The following RBFOX1 variants were observed in gnomAD, a reference collection of about 807,000 sequenced individuals.
RBFOX1 encodes the protein RNA binding fox-1 homolog 1.
A neutral mutation model predicts 57.7 loss-of-function variants in RBFOX1; 8 were observed. The observed-to-expected ratio is 0.14, with a 90% CI of 0.08 to 0.25. The LOEUF is 0.25. RBFOX1 is among the 10% of genes least tolerant of loss of function. RBFOX1 has a pLI of 1.00. For missense variants in RBFOX1, 611 were observed against 548.5 expected (o/e 1.11, Z -1.14); for synonymous variants, 326 against 222.4 (o/e 1.47, Z -4.15).
chr16:6,064,988 G>A (rs957263721), intron 1 of RBFOX1, among the ~76,000 whole-genome samples: 3 of 151,244 alleles, frequency 2.0e-5, no homozygotes, highest in African/African-American at 4.8e-5. Flanking sequence ...ACCTCCCTAC[G>A]TGACTGTTTT....
In RBFOX1 at chr16:7,567,390, C is replaced by A. The variant is rs545290636; in HGVS notation, c.271-12387C>A. On this transcript the variant is annotated intron_variant, in intron 5 of 15. Transcript: ENST00000550418. ...CTATATATATATCCCTATGTATGGC[C>A]CTATATATATATATCCCTATATATA... is the stretch of plus-strand genomic sequence containing the variant. 2.3e-3 allele frequency among the ~76,000 whole-genome samples: 259 copies of A among 113,196 alleles called. 8 individuals are homozygous for A. Among genetic ancestry groups the A allele is most frequent in the African/African-American group, 8.4e-3 (236 of 28,176 alleles). The allele number at this position is 113,196 out of a possible 152,430, so 74.3% of individuals were successfully genotyped here. A position where few individuals can be genotyped will look rare whatever the true frequency, so the allele number is the denominator to read the frequency against.
At chr16:7,012,877 A>T (rs1202201214) in intron 3 of RBFOX1, among the ~76,000 whole-genome samples, 1 of 152,136 alleles carries the variant, frequency 6.6e-6, no homozygotes, top group African/African-American at 2.4e-5. Flanking sequence ...ATTTTCCCAT[A>T]GCTGGGGAGG....
chr16:6,765,903 C>T (rs1041844223), intron 3 of RBFOX1, among the ~76,000 whole-genome samples: 1 of 152,078 alleles, frequency 6.6e-6, no homozygotes, highest in East Asian at 1.9e-4. Context: ...TACTGCATTT[C>T]TTCACTTGTA....
At chr16:7,213,249 T>G (rs1477711314) in intron 4 of RBFOX1, among the ~76,000 whole-genome samples, 1 of 151,660 alleles carries the variant, frequency 6.6e-6, no homozygotes, top group East Asian at 1.9e-4. Flanking sequence ...TTTTCCCCCT[T>G]TATCAGTGGT....
intron 1 of RBFOX1, among the ~76,000 whole-genome samples, chr16:5,362,403 C>T (rs916339287): frequency 3.3e-5 from 5 of 152,188 alleles, no homozygotes; most frequent in African/African-American, 1.2e-4. Flanking sequence ...GCTCTTGTTG[C>T]CCAGGCTGGA....
chr16:5,544,821 T>C (rs778769855), intron 2 of RBFOX1, among the ~76,000 whole-genome samples: 2 of 152,148 alleles, frequency 1.3e-5, no homozygotes, highest in African/African-American at 4.8e-5. Flanking sequence ...TTGGAAGATA[T>C]AAACTGCTAA....
At chr16:7,000,596 C>CTTTTTTTTTTTTTTTTTTTTTT (rs759103545) in intron 3 of RBFOX1, among the ~76,000 whole-genome samples, 40 of 92,570 alleles carry the variant, frequency 4.3e-4, no homozygotes, top group Non-Finnish European at 5.1e-4. Flanking sequence ...CTTTTTCTTT[C>CTTTTTTTTTTTTTTTTTTTTTT]TTTTTTTTTT....
At chr16:5,843,467 C>T (rs931114573) in intron 3 of RBFOX1, among the ~76,000 whole-genome samples, 6 of 152,140 alleles carry the variant, frequency 3.9e-5, no homozygotes, top group East Asian at 1.9e-4. Context: ...GACATGATCT[C>T]GTTCTTTCTT....
intron 4 of RBFOX1, among the ~76,000 whole-genome samples, chr16:7,099,679 A>T (rs563373526): frequency 6.6e-5 from 10 of 152,064 alleles, no homozygotes; most frequent in Non-Finnish European, 1.5e-4. Flanking sequence ...ATCAATCAAT[A>T]CATGTAAGAT....
At chr16:5,308,856 C>G (rs534407346) in intron 1 of RBFOX1, among the ~76,000 whole-genome samples, 3 of 152,176 alleles carry the variant, frequency 2.0e-5, no homozygotes, top group African/African-American at 7.2e-5. Flanking sequence ...CTCCAATTTG[C>G]ACGGCACCGC....
intron 1 of RBFOX1, among the ~76,000 whole-genome samples, chr16:6,130,222 T>A (rs1416710051): frequency 6.6e-6 from 1 of 152,150 alleles, no homozygotes; most frequent in Non-Finnish European, 1.5e-5. Context: ...GTTTGTTAAG[T>A]ATACACATGT....
intron 2 of RBFOX1, among the ~76,000 whole-genome samples, chr16:5,591,239 C>A (rs1045126311): frequency 6.6e-6 from 1 of 150,702 alleles, no homozygotes; most frequent in East Asian, 2.0e-4. Context: ...CCTTTTCCTT[C>A]TCCAAAATGA....
At chr16:6,803,151 T>C (rs2085894982) in intron 3 of RBFOX1, among the ~76,000 whole-genome samples, 1 of 152,148 alleles carries the variant, frequency 6.6e-6, no homozygotes, top group Non-Finnish European at 1.5e-5. Flanking sequence ...TTTTTTCTTT[T>C]AAATGCCATG....
intron 3 of RBFOX1, among the ~76,000 whole-genome samples, chr16:6,852,519 T>C (rs891076126): frequency 2.6e-5 from 4 of 152,222 alleles, no homozygotes; most frequent in Non-Finnish European, 4.4e-5. Flanking sequence ...AACAATTCCT[T>C]GTGTCTCAGA....
chr16:6,455,478 T>G (rs1466242849), intron 2 of RBFOX1, among the ~76,000 whole-genome samples: 1 of 152,130 alleles, frequency 6.6e-6, no homozygotes, highest in African/African-American at 2.4e-5. Flanking sequence ...GCAGGCAACA[T>G]GTAAACAGCA....
At chr16:6,435,703 T>C (rs1421512606) in intron 2 of RBFOX1, among the ~76,000 whole-genome samples, 1 of 152,210 alleles carries the variant, frequency 6.6e-6, no homozygotes, top group East Asian at 1.9e-4. Context: ...TTACCTATAA[T>C]CACTGCATCT....
chr16:6,225,230 TTATA>T (rs3064936), intron 1 of RBFOX1, among the ~76,000 whole-genome samples: 2 of 150,980 alleles, frequency 1.3e-5, no homozygotes, highest in African/African-American at 2.4e-5. Flanking sequence ...AGTAGGAGAG[TTATA>T]TATATATATA....
rs1407338550 is a variant in RBFOX1, at chr16:7,549,585, A to G, written c.271-30192A>G. 2.6e-5 allele frequency among the ~76,000 whole-genome samples: 4 copies of G among 152,324 alleles called. No homozygotes were observed. The East Asian group carries it at 7.7e-4, about 29-fold the overall frequency. On this transcript the variant is annotated intron_variant, in intron 5 of 15. Coordinates refer to ENST00000550418, the MANE Select transcript of RBFOX1 (RefSeq NM_018723.4). ...TCAAAAGTAGGGAAGCTGACAGTGA[A>G]ACCTTCAGTCTGTGGTTGAAGGTCC...
intron 3 of RBFOX1, among the ~76,000 whole-genome samples, chr16:6,891,250 T>C (rs781081055): frequency 1.3e-5 from 2 of 152,224 alleles, no homozygotes; most frequent in South Asian, 2.1e-4. Flanking sequence ...TGAATCCTGC[T>C]AGCACTTTAT....
Sources: allele counts gnomAD v4.1 joint callset (sites outside exome capture counted in the v4.1 genomes callset), GRCh38; gene constraint gnomAD v4.1.1; transcripts MANE v1.5; gene names NCBI Gene and HGNC (gene_info 2026-07-23, HGNC 2026-07-21).